Variants in PCDH10 observed in about 807,000 individuals in gnomAD.
The protein encoded by PCDH10 is protocadherin 10.
Under a neutral mutation model 74.4 loss-of-function variants are expected in PCDH10, and 15 were observed. The observed-to-expected ratio is 0.20, with a 90% CI of 0.13 to 0.31. The LOEUF (loss-of-function observed/expected upper bound fraction) is 0.31, where lower values mean the gene tolerates loss of function less well. Ranked by LOEUF, PCDH10 falls within the 10% of genes least tolerant of loss-of-function variation. The pLI is 1.00. For missense variants in PCDH10, 1,260 were observed against 1,390.2 expected, an observed-to-expected ratio of 0.91 and a Z score of 1.49; for synonymous variants, 619 against 589.8, an observed-to-expected ratio of 1.05 and a Z score of -0.72.
rs546519140 is a variant in PCDH10 at position 133,205,112 on chromosome 4, G to T, written n.438-2964G>T. Among the ~76,000 whole-genome samples, 11 of 152,252 alleles carry T rather than the reference G, an allele frequency of 7.2e-5. No homozygotes were observed. In the South Asian group the frequency reaches 2.1e-3, roughly 29 times the overall value. On this transcript the variant is annotated intron_variant and non_coding_transcript_variant, in intron 2 of 2. Transcript: ENST00000511112. ...GTCTCCTTGATAAGGAGGATGGTTT[G>T]GTTAGGAGACCTCATCTTCTGGAGC... is the stretch of plus-strand genomic sequence containing the variant.
chr4:133,178,979 A>G (rs1445775366), intron 4 of PCDH10, among the ~76,000 whole-genome samples: 1 of 152,144 alleles, frequency 6.6e-6, no homozygotes, highest in East Asian at 1.9e-4. Context: ...GAGGCTTGAG[A>G]TAGTGGCATG....
chr4:133,180,340 TG>T (rs1040981133), intron 4 of PCDH10, among the ~76,000 whole-genome samples: 17 of 152,122 alleles, frequency 1.1e-4, no homozygotes, highest in African/African-American at 4.1e-4. Flanking sequence ...TACCTATGGC[TG>T]GAGGCAATTC....
At chr4:133,153,040 G>T in intron 1 of PCDH10, 1 of 1,414,172 alleles carries the variant, frequency 7.1e-7, no homozygotes, top group South Asian at 1.7e-5. Flanking sequence ...CTTCCATCCT[G>T]TCAGTCCTTT....
At chr4:133,167,657 T>TACTATGTGCACTGGTACACATAGTACCA (rs1727113956) in intron 4 of PCDH10, among the ~76,000 whole-genome samples, 1 of 151,540 alleles carries the variant, frequency 6.6e-6, no homozygotes, top group Admixed American at 6.6e-5. Flanking sequence ...TCTTCCATGT[T>TACTATGTGCACTGGTACACATAGTACCA]GTGCTACTAT....
Position 133,152,715 on chromosome 4 carries a change from G to T in PCDH10, c.2575G>T (p.Gly859Cys), listed in dbSNP as rs776473022. ...EHNPCGAIVT[G>C]YTDQQPDIIS... ...CAACCCCTGCGGGGCCATCGTCACC[G>T]GTTACACCGACCAGCAGCCTGATAT... is the stretch of plus-strand genomic sequence containing the variant. Residue 859 changes from glycine (G) to cysteine (C), a missense_variant, in exon 1 of 5, where the codon GGT (glycine) becomes TGT (cysteine). By Grantham distance (159) the Gly-to-Cys change is radical. Transcript: ENST00000264360. The T allele has an allele frequency of 1.9e-6, 3 of 1,614,172 alleles. No individual in the cohort carries two copies. Among genetic ancestry groups the T allele is most frequent in the South Asian group, 1.1e-5 (1 of 91,080 alleles).
Position 133,150,228 on chromosome 4 carries a change from C to T in PCDH10, c.88C>T (p.His30Tyr), listed in dbSNP as rs531804222. The T allele has an allele frequency of 3.7e-6, 6 of 1,613,788 alleles. No individual in the cohort carries two copies. The Admixed American group carries it at 1.0e-4, about 27-fold the overall frequency. ...CTACACGGTACAGGAGGAGCAGGAA[C>T]ATGGCACTTTCGTGGGGAATATCGC... ...LHYTVQEEQEHGTFVGNIAED... is the reference protein window; with the variant it reads ...LHYTVQEEQEYGTFVGNIAED... The change falls in exon 1 of 5, where the codon CAT (histidine) becomes TAT (tyrosine). Residue 30 changes from histidine to tyrosine, a missense_variant. Physicochemically the swap from His to Tyr is moderately conservative, Grantham distance 83. Coordinates refer to ENST00000264360, the MANE Select transcript of PCDH10 (RefSeq NM_032961.3).
chr4:133,201,685 C>T (rs542070641), intron 2 of PCDH10, among the ~76,000 whole-genome samples: 6 of 151,850 alleles, frequency 4.0e-5, no homozygotes, highest in East Asian at 1.9e-4. Context: ...AGAGAAACCC[C>T]GTCTCTACTA....
In PCDH10 at chr4:133,152,577, C is replaced by G; in HGVS notation, c.2437C>G (p.His813Asp). The G allele has an allele frequency of 6.2e-7, 1 of 1,614,146 alleles. No homozygotes were observed. Among genetic ancestry groups the G allele is most frequent in the South Asian group, 1.1e-5 (1 of 91,076 alleles). Reference sequence around the variant, plus strand: ...AGAGGAGTCCGGGGGCTTTGGCTCCCACCACCACAACCAGAATTACTGCTA... The same window carrying G: ...AGAGGAGTCCGGGGGCTTTGGCTCCGACCACCACAACCAGAATTACTGCTA... ...PIEESGGFGS[H>D]HHNQNYCYQV... The change falls in exon 1 of 5, where the codon CAC becomes GAC. Residue 813 changes from histidine to aspartate, a missense_variant. Transcript: ENST00000264360.
rs1726688829 is a variant in PCDH10, at chr4:133,151,418, G to A, written c.1278G>A (p.Gly426=). The A allele has an allele frequency of 1.9e-6, 3 of 1,614,118 alleles. No homozygotes were observed. The highest frequency in any genetic ancestry group is 2.7e-5 in the African/African-American group (2 of 75,070). Residue 426 remains glycine, a synonymous_variant, in exon 1 of 5, where the codon GGG becomes GGA. Transcript: ENST00000264360. The part of the protein sequence containing the change: ...VTEAPLDREA[G]DSYTLTVVAR... ...AAGCCCCCCTGGACCGAGAGGCGGG[G>A]GACTCCTACACCCTGACTGTAGTGG... is the stretch of plus-strand genomic sequence containing the variant.
chr4:133,157,015 C>T (rs980246126), intron 3 of PCDH10, among the ~76,000 whole-genome samples: 1 of 152,080 alleles, frequency 6.6e-6, no homozygotes, highest in African/African-American at 2.4e-5. Context: ...AACATTTCAG[C>T]CAGGCAGTTT....
At chr4:133,207,260 T>C (rs1728027563) in intron 2 of PCDH10, among the ~76,000 whole-genome samples, 1 of 152,156 alleles carries the variant, frequency 6.6e-6, no homozygotes, top group Admixed American at 6.5e-5. Context: ...TTTTGGTCAT[T>C]GCATTGGTTT....
intron 4 of PCDH10, among the ~76,000 whole-genome samples, chr4:133,176,104 A>G (rs1167795707): frequency 6.6e-6 from 1 of 152,134 alleles, no homozygotes; most frequent in Non-Finnish European, 1.5e-5. Flanking sequence ...ATAACTTGTC[A>G]TTTTTAATTT....
At chr4:133,170,087 T>C (rs1255105589) in intron 4 of PCDH10, among the ~76,000 whole-genome samples, 1 of 151,892 alleles carries the variant, frequency 6.6e-6, no homozygotes, top group African/African-American at 2.4e-5. Context: ...GTGAGGAGAG[T>C]GTAGGAAATT....
At chr4:133,169,558 G>A (rs555659476) in intron 4 of PCDH10, among the ~76,000 whole-genome samples, 63 of 151,114 alleles carry the variant, frequency 4.2e-4, no homozygotes, top group African/African-American at 1.5e-3. Context: ...TTCTTATTTT[G>A]TACATTGATG....
At chr4:133,199,184 A>C (rs969701529), downstream of PCDH10, among the ~76,000 whole-genome samples, 2 of 151,624 alleles carry the variant, frequency 1.3e-5, no homozygotes, top group East Asian at 3.9e-4. Flanking sequence ...GATACTTGAA[A>C]GGCTGAAGTG....
At chr4:133,184,208 A>G (rs542425856) in intron 4 of PCDH10, among the ~76,000 whole-genome samples, 8 of 152,226 alleles carry the variant, frequency 5.3e-5, no homozygotes, top group African/African-American at 1.7e-4. Flanking sequence ...TTTTCCACCT[A>G]TGTTCTATAA....
downstream of PCDH10, among the ~76,000 whole-genome samples, chr4:133,198,005 G>C (rs1309920271): frequency 7.1e-6 from 1 of 141,650 alleles, no homozygotes; most frequent in Non-Finnish European, 1.5e-5. Context: ...GTGTGTGTGT[G>C]TGATTGGGAA....
At chr4:133,178,705 A>G (rs549980132) in intron 4 of PCDH10, among the ~76,000 whole-genome samples, 50 of 152,138 alleles carry the variant, frequency 3.3e-4, no homozygotes, top group Non-Finnish European at 5.1e-4. Flanking sequence ...CTATAATTCA[A>G]ATTATCCATG....
chr4:133,190,155 T>C lies in PCDH10; in HGVS notation c.3118T>C (p.Cys1040Arg), dbSNP rs764726768. 1.9e-6 allele frequency: 3 copies of C among 1,612,058 alleles called. No homozygotes were observed. The highest frequency in any genetic ancestry group is 2.5e-6 in the Non-Finnish European group (3 of 1,178,374). The change falls in exon 5 of 5, where the codon TGC becomes CGC. Residue 1040 changes from cysteine (C) to arginine (R), a missense_variant. Cys to Arg is a radical substitution (Grantham distance 180). Around this residue, in one of 11 missense-constraint regions of PCDH10, gnomAD observed 136 missense variants for 149.3 expected, o/e 0.91. Coordinates refer to ENST00000264360, the MANE Select transcript of PCDH10 (RefSeq NM_032961.3). Reference protein sequence around the residue: ...KPPYLTRKRIC With the variant: ...KPPYLTRKRIR ...CTTTTTCACAGCACGGAAAAGGATA[T>C]GCTAGTCAATTCTACAGGACTTACC...
Sources: allele counts gnomAD v4.1 joint callset (sites outside exome capture counted in the v4.1 genomes callset), GRCh38; gene constraint gnomAD v4.1.1; regional missense constraint gnomAD v4.1.1; transcripts MANE v1.5; gene names NCBI Gene and HGNC (gene_info 2026-07-23, HGNC 2026-07-21).